The following DOCK8 variants were observed in gnomAD, a reference collection of about 807,000 sequenced individuals.
DOCK8 encodes dedicator of cytokinesis protein 8.
In DOCK8, 141 loss-of-function variants were observed where a neutral mutation model predicts 245.6. The ratio of observed to expected loss-of-function variants is 0.57; its 90% CI spans 0.50 to 0.66. The LOEUF is 0.66. DOCK8 is among the 30% of genes least tolerant of loss of function. The pLI is 0.00. For missense variants in DOCK8, 2,965 were observed against 2,603.4 expected (o/e 1.14, Z -3.02); for synonymous variants, 1,168 against 970.2 (o/e 1.20, Z -3.79).
chr9:345,196 A>G (rs1486157390), intron 14 of DOCK8, among the ~76,000 whole-genome samples: 1 of 152,206 alleles, frequency 6.6e-6, no homozygotes, highest in Admixed American at 6.5e-5. Flanking sequence ...AATCCTGATC[A>G]TACCTGTATC....
chr9:273,995 C>T (rs1444298966), intron 2 of DOCK8, among the ~76,000 whole-genome samples: 1 of 152,156 alleles, frequency 6.6e-6, no homozygotes, highest in African/African-American at 2.4e-5. Flanking sequence ...CATGAGCCAC[C>T]ATGCCCGGCC....
intron 26 of DOCK8, among the ~76,000 whole-genome samples, chr9:403,942 ATG>A (rs1225157680): frequency 2.4e-5 from 2 of 81,846 alleles, no homozygotes; most frequent in African/African-American, 1.4e-4. Flanking sequence ...GTATATATAT[ATG>A]TGTATATATA....
chr9:396,856 C>T lies in DOCK8; in HGVS notation c.3042C>T (p.Asp1014=). 1.2e-6 allele frequency: 2 copies of T among 1,614,108 alleles called. No homozygotes were observed. Among genetic ancestry groups the T allele is most frequent in the Non-Finnish European group, 1.7e-6 (2 of 1,180,026 alleles). Residue 1014 remains aspartate, a synonymous_variant, in exon 25 of 48, where the codon GAC becomes GAT. Transcript: ENST00000432829. ...GTTTTCGGAGGACTCGTTTTTCTGA[C>T]CGTTTCATGGATGACATAACTACTA... is the stretch of plus-strand genomic sequence containing the variant. ...RDSFRRTRFS[D]RFMDDITTIV...
intron 19 of DOCK8, among the ~76,000 whole-genome samples, chr9:376,567 A>G (rs1360620195): frequency 6.6e-6 from 1 of 150,844 alleles, no homozygotes; most frequent in Non-Finnish European, 1.5e-5. Context: ...ACTTGATTTG[A>G]AACTCTCATC....
chr9:392,470 G>C (rs376359170), intron 24 of DOCK8, among the ~76,000 whole-genome samples: 1 of 152,190 alleles, frequency 6.6e-6, no homozygotes. Flanking sequence ...GAGGTGCTTA[G>C]TAAAAATAAA....
intron 1 of DOCK8, among the ~76,000 whole-genome samples, chr9:271,110 T>C (rs2048152335): frequency 6.6e-6 from 1 of 152,156 alleles, no homozygotes; most frequent in Non-Finnish European, 1.5e-5. Context: ...ATACAATCAT[T>C]GGGAATTCCT....
intron 23 of DOCK8, among the ~76,000 whole-genome samples, 159 bp downstream of exon 23, chr9:386,585 T>G (rs2053965793): frequency 6.6e-6 from 1 of 152,258 alleles, no homozygotes; most frequent in African/African-American, 2.4e-5. Context: ...CCCTGTCCTT[T>G]ACGCCACATT....
intron 1 of DOCK8, among the ~76,000 whole-genome samples, chr9:224,926 C>T (rs112657854): frequency 1.3e-5 from 2 of 152,146 alleles, no homozygotes; most frequent in South Asian, 2.1e-4. Context: ...TCTGTGAGAA[C>T]AAGACTATCA....
At chr9:295,742 G>A (rs1245991684) in intron 4 of DOCK8, among the ~76,000 whole-genome samples, 2 of 152,152 alleles carry the variant, frequency 1.3e-5, no homozygotes, top group Admixed American at 1.3e-4. Flanking sequence ...CTAGAGATAG[G>A]CTTTTATGTC....
chr9:318,150 C>T (rs1351392297), intron 7 of DOCK8, among the ~76,000 whole-genome samples: 1 of 152,194 alleles, frequency 6.6e-6, no homozygotes, highest in Non-Finnish European at 1.5e-5. Flanking sequence ...GGAGTGCCTC[C>T]ATACCTCTCT....
intron 13 of DOCK8, among the ~76,000 whole-genome samples, chr9:339,540 G>A (rs2051478046): frequency 6.6e-6 from 1 of 152,106 alleles, no homozygotes; most frequent in African/African-American, 2.4e-5. Context: ...TTTTGAGATG[G>A]AGTCTTGCTC....
chr9:309,862 G>A (rs2050019116), intron 5 of DOCK8, among the ~76,000 whole-genome samples: 1 of 152,196 alleles, frequency 6.6e-6, no homozygotes, highest in African/African-American at 2.4e-5. Flanking sequence ...TGGAGATTAA[G>A]ACAGGGTCTC....
At chr9:393,653 C>T (rs1374036537) in intron 24 of DOCK8, among the ~76,000 whole-genome samples, 1 of 152,172 alleles carries the variant, frequency 6.6e-6, no homozygotes, top group African/African-American at 2.4e-5. Context: ...GCCCATCTTA[C>T]CTCTAGGAAG....
intron 41 of DOCK8, 103 bp from the exon 42 acceptor site, chr9:441,772 G>A: frequency 6.9e-7 from 1 of 1,458,118 alleles, no homozygotes; most frequent in East Asian, 2.3e-5. Flanking sequence ...AGCCATAGGA[G>A]TAAAATGCTT....
chr9:386,442 A>T lies in DOCK8; in HGVS notation c.2874+16A>T, dbSNP rs1426289495. ...CAGCAAAAAGGTACTGAAGAGAGCA[A>T]TGTGAGGTTCATCCCAGGATAAGAA... On this transcript the variant is annotated intron_variant, in intron 23 of 47. Coordinates refer to ENST00000432829, the MANE Select transcript of DOCK8 (RefSeq NM_203447.4). 1 of 1,606,794 alleles carries T rather than the reference A, an allele frequency of 6.2e-7. No individual in the cohort carries two copies. The highest frequency in any genetic ancestry group is 1.7e-5 in the Admixed American group (1 of 59,954).
At chr9:416,160 AGAAACAAGCTCAGCACACAGG>A (rs2131610516) in intron 29 of DOCK8, among the ~76,000 whole-genome samples, 1 of 152,344 alleles carries the variant, frequency 6.6e-6, no homozygotes, top group East Asian at 1.9e-4. Flanking sequence ...AGGAAATGAT[AGAAACAAGCTCAGCACACAGG>A]GCTGAGCAAG....
intron 2 of DOCK8, among the ~76,000 whole-genome samples, chr9:286,003 A>G (rs2048809471): frequency 6.6e-6 from 1 of 152,222 alleles, no homozygotes; most frequent in South Asian, 2.1e-4. Flanking sequence ...AACTTAGGCC[A>G]AAAGAAACAC....
At chr9:448,148 A>G (rs142187427) in intron 44 of DOCK8, among the ~76,000 whole-genome samples, 1 of 151,576 alleles carries the variant, frequency 6.6e-6, no homozygotes, top group South Asian at 2.1e-4. Flanking sequence ...CCTAGAGTGC[A>G]GTGGCATGAA....
intron 5 of DOCK8, among the ~76,000 whole-genome samples, chr9:310,506 T>C (rs2050050852): frequency 6.6e-6 from 1 of 152,272 alleles, no homozygotes; most frequent in Admixed American, 6.5e-5. Context: ...TTGCCCAGGC[T>C]GGAGTACAGT....
Sources: gnomAD v4.1 joint callset for allele counts (sites outside exome capture counted in the v4.1 genomes callset) on GRCh38, gnomAD v4.1.1 for gene constraint, MANE v1.5 for transcripts, NCBI Gene and HGNC (gene_info 2026-07-23, HGNC 2026-07-21) for gene names.